CTNNA2: variants seen among roughly 807,000 people sequenced by gnomAD.
CTNNA2 encodes the protein catenin alpha 2.
A neutral mutation model predicts 101.0 loss-of-function variants in CTNNA2; 42 were observed. That is an observed-to-expected ratio of 0.42 (90% CI 0.32 to 0.54). The LOEUF (loss-of-function observed/expected upper bound fraction) is 0.54. Ranked by LOEUF, CTNNA2 falls within the 20% of genes least tolerant of loss-of-function variation. The pLI is 0.14. For synonymous variants in CTNNA2, 450 were observed against 456.4 expected (o/e 0.99, Z 0.18); for missense variants, 871 against 1,223.1 (o/e 0.71, Z 4.29).
At chr2:79,766,790 T>A (rs373019159) in intron 3 of CTNNA2, among the ~76,000 whole-genome samples, 34 of 152,150 alleles carry the variant, frequency 2.2e-4, no homozygotes, top group African/African-American at 7.9e-4. Context: ...GAGTCTTGCT[T>A]TGTCACCCAG....
At chr2:80,470,064 G>T (rs920747745) in intron 9 of CTNNA2, among the ~76,000 whole-genome samples, 2 of 152,104 alleles carry the variant, frequency 1.3e-5, no homozygotes, top group African/African-American at 4.8e-5. Flanking sequence ...TTACCCGTGC[G>T]GGGGAGAGAA....
chr2:80,393,277 G>T lies in CTNNA2; in HGVS notation c.1123G>T (p.Asp375Tyr). Residue 375 changes from aspartate to tyrosine, a missense_variant, in exon 8 of 19, where the codon GAT (aspartate) becomes TAT (tyrosine). Physicochemically the swap from Asp to Tyr is radical, Grantham distance 160. Transcript: ENST00000402739. ...AIDKMTKKTR[D>Y]LRRQLRKAVM... ...TGATAAGATGACTAAGAAAACAAGA[G>T]ATCTAAGGAGACAGGTACTATTTTT... is the stretch of plus-strand genomic sequence containing the variant. 6.2e-7 allele frequency: 1 copy of T among 1,608,318 alleles called. No individual in the cohort carries two copies. Among genetic ancestry groups the T allele is most frequent in the South Asian group, 1.1e-5 (1 of 89,824 alleles).
rs76658035 is a variant in CTNNA2 at position 79,869,626 on chromosome 2, T to C, written c.466-190T>C. 5.7e-3 allele frequency among the ~76,000 whole-genome samples: 870 copies of C among 152,306 alleles called. 25 individuals are homozygous for C. The highest frequency in any genetic ancestry group is 0.041 in the East Asian group (212 of 5,178). ...CAATTGCTTTTTTATATACAAAATA[T>C]TTTTAAGTCTTGAATAACTATTTAA... is the stretch of plus-strand genomic sequence containing the variant. On this transcript the variant is annotated intron_variant, in intron 4 of 18. Transcript: ENST00000402739.
At chr2:79,990,571 T>C (rs923938635) in intron 7 of CTNNA2, among the ~76,000 whole-genome samples, 30 of 152,282 alleles carry the variant, frequency 2.0e-4, no homozygotes, top group African/African-American at 6.3e-4. Context: ...CTTTGTAAAA[T>C]AGGTATAAAT....
chr2:79,581,213 A>G (rs374531029), intron 1 of CTNNA2, among the ~76,000 whole-genome samples: 7 of 152,330 alleles, frequency 4.6e-5, no homozygotes, highest in African/African-American at 1.7e-4. Context: ...ATGCTGGTGA[A>G]GATAAATTTA....
chr2:80,162,485 C>G, intron 7 of CTNNA2: 1 of 1,601,410 alleles, frequency 6.2e-7, no homozygotes, highest in Non-Finnish European at 8.5e-7. Context: ...ATCTCTGCTA[C>G]TGTCTCTTCT....
chr2:79,662,591 C>T (rs950522075), intron 2 of CTNNA2, among the ~76,000 whole-genome samples: 3 of 152,116 alleles, frequency 2.0e-5, no homozygotes, highest in Admixed American at 6.5e-5. Context: ...AAAATGCCTA[C>T]GAAGTGACAG....
intron 11 of CTNNA2, among the ~76,000 whole-genome samples, chr2:80,553,738 C>T (rs947856516): frequency 2.0e-5 from 3 of 152,170 alleles, no homozygotes; most frequent in Admixed American, 6.5e-5. Context: ...GGCCAGGACA[C>T]ATTTTAATTG....
chr2:80,535,689 C>T (rs1690947329), intron 9 of CTNNA2, among the ~76,000 whole-genome samples: 1 of 152,162 alleles, frequency 6.6e-6, no homozygotes, highest in African/African-American at 2.4e-5. Flanking sequence ...AGTGATTCCA[C>T]TTCCTCCTGT....
intron 4 of CTNNA2, among the ~76,000 whole-genome samples, chr2:79,390,896 A>C (rs888457157): frequency 6.6e-6 from 1 of 152,190 alleles, no homozygotes. Flanking sequence ...CGAATAAATG[A>C]AAGAATGTGT....
intron 7 of CTNNA2, among the ~76,000 whole-genome samples, chr2:80,171,191 G>A (rs1451519418): frequency 1.3e-5 from 2 of 152,170 alleles, no homozygotes; most frequent in Admixed American, 1.3e-4. Context: ...GGCTCCAAAT[G>A]AAGACAAGAG....
intron 3 of CTNNA2, among the ~76,000 whole-genome samples, chr2:79,775,351 T>A (rs1176488202): frequency 6.6e-6 from 1 of 152,212 alleles, no homozygotes; most frequent in African/African-American, 2.4e-5. Flanking sequence ...TATATAATGA[T>A]CTATTTAGTA....
chr2:80,390,923 A>G (rs1677447409), intron 7 of CTNNA2, among the ~76,000 whole-genome samples: 1 of 152,198 alleles, frequency 6.6e-6, no homozygotes, highest in Admixed American at 6.5e-5. Context: ...CAAGGTCAGG[A>G]GTTTGAGACC....
intron 1 of CTNNA2, among the ~76,000 whole-genome samples, chr2:79,554,328 C>T (rs182390375): frequency 6.6e-6 from 1 of 152,108 alleles, no homozygotes; most frequent in Non-Finnish European, 1.5e-5. Context: ...GAAAATCACT[C>T]AAGGTTAGTT....
At chr2:80,609,247 C>A (rs1698263457) in intron 17 of CTNNA2, among the ~76,000 whole-genome samples, 1 of 151,812 alleles carries the variant, frequency 6.6e-6, no homozygotes, top group Non-Finnish European at 1.5e-5. Flanking sequence ...TCAGGTCTTC[C>A]TGAAGCCATT....
chr2:79,494,194 A>T (rs1184798962), intron 4 of CTNNA2, among the ~76,000 whole-genome samples: 2 of 152,182 alleles, frequency 1.3e-5, no homozygotes, highest in African/African-American at 4.8e-5. Flanking sequence ...AAATGTTAAG[A>T]TATCTCATGT....
intron 6 of CTNNA2, among the ~76,000 whole-genome samples, chr2:79,906,710 G>T (rs1275051212): frequency 6.6e-6 from 1 of 152,122 alleles, no homozygotes; most frequent in Non-Finnish European, 1.5e-5. Flanking sequence ...AGTCTCTCTT[G>T]TCACATTTCC....
At chr2:79,787,690 G>A (rs1437849132) in intron 3 of CTNNA2, among the ~76,000 whole-genome samples, 1 of 151,950 alleles carries the variant, frequency 6.6e-6, no homozygotes, top group African/African-American at 2.4e-5. Context: ...CCAACTTTTA[G>A]AGGCCACTGC....
chr2:79,409,951 T>C (rs560321128), intron 4 of CTNNA2, among the ~76,000 whole-genome samples: 1 of 152,252 alleles, frequency 6.6e-6, no homozygotes, highest in Non-Finnish European at 1.5e-5. Flanking sequence ...TGTTCTTCCA[T>C]GTCTTTGTAT....
Sources: allele counts gnomAD v4.1 joint callset (sites outside exome capture counted in the v4.1 genomes callset), GRCh38; gene constraint gnomAD v4.1.1; transcripts MANE v1.5; gene names NCBI Gene and HGNC (gene_info 2026-07-23, HGNC 2026-07-21).